PFKFB3: variants seen among roughly 807,000 people sequenced by gnomAD.
The protein encoded by PFKFB3 is 6-phosphofructo-2-kinase/fructose-2,6-biphosphatase 3, also known as 6-phosphofructo-2-kinase/fructose-2,6-bisphosphatase 3.
Under a neutral mutation model 68.0 loss-of-function variants are expected in PFKFB3, and 33 were observed. That is an observed-to-expected ratio of 0.49 (90% confidence interval 0.37 to 0.65). The LOEUF is 0.65. Among genes scored for constraint, PFKFB3 ranks in the 30% least tolerant of loss-of-function variants. The pLI, the probability that PFKFB3 is intolerant of heterozygous loss-of-function variation, is 0.00. For synonymous variants in PFKFB3, 315 were observed against 288.2 expected, an observed-to-expected ratio of 1.09 and a Z score of -0.94; for missense variants, 586 against 712.2, an observed-to-expected ratio of 0.82 and a Z score of 2.02.
chr10:6,207,422 C>T lies in PFKFB3; in HGVS notation c.76+4086C>T, dbSNP rs547114678. ...GCTTTGGCTCGGCATCAGAGGGAGA[C>T]CGTGGGGAGAGGGAGAGGGAGAGGG... On this transcript the variant is annotated intron_variant, in intron 1 of 14. Coordinates refer to ENST00000379775, the MANE Select transcript of PFKFB3 (RefSeq NM_004566.4). Among the ~76,000 whole-genome samples the T allele has an allele frequency of 7.9e-5, 12 of 152,170 alleles. No homozygotes were observed. In the East Asian group the frequency reaches 1.9e-3, roughly 25 times the overall value.
intron 1 of PFKFB3, among the ~76,000 whole-genome samples, chr10:6,207,013 G>C (rs71479766): frequency 1.5e-5 from 2 of 132,490 alleles, no homozygotes; most frequent in East Asian, 4.6e-4. Flanking sequence ...AGGCAGAGAC[G>C]CTCCTCACTT....
chr10:6,307,674 T>C, the PFKFB3 span, among the ~76,000 whole-genome samples: 1 of 151,848 alleles, frequency 6.6e-6, no homozygotes, highest in Non-Finnish European at 1.5e-5. Context: ...TTGTCCCGAT[T>C]GAGAATCTGA....
At chr10:6,247,516 A>T (rs548527769) in intron 14 of PFKFB3, among the ~76,000 whole-genome samples, 10 of 152,286 alleles carry the variant, frequency 6.6e-5, no homozygotes, top group African/African-American at 2.2e-4. Context: ...AATACATCCA[A>T]TCGGTTCAAG....
At chr10:6,196,726 C>T (rs1843185931) in intron 1 of PFKFB3, among the ~76,000 whole-genome samples, 1 of 152,072 alleles carries the variant, frequency 6.6e-6, no homozygotes, top group African/African-American at 2.4e-5. Context: ...CTGCCTCTCC[C>T]AGTCCACTCA....
chr10:6,178,292 T>TG (rs1371632679), intron 1 of PFKFB3, among the ~76,000 whole-genome samples: 3 of 152,096 alleles, frequency 2.0e-5, no homozygotes, highest in Non-Finnish European at 4.4e-5. Context: ...GACCACTGTG[T>TG]GGGGCGCCCC....
At chr10:6,303,798 TAAA>T in the PFKFB3 span, among the ~76,000 whole-genome samples, 2 of 120,758 alleles carry the variant, frequency 1.7e-5, no homozygotes, top group Non-Finnish European at 3.3e-5. Flanking sequence ...AGAGTCCATC[TAAA>T]AAAAAAAAAA....
chr10:6,208,371 C>CTTTTTTTTTTTTTTTT (rs35447462), intron 1 of PFKFB3, among the ~76,000 whole-genome samples: 1,590 of 60,566 alleles, frequency 0.026, 269 homozygotes, highest in African/African-American at 0.045. Flanking sequence ...GGTACCTGGC[C>CTTTTTTTTTTTTTTTT]TTTTTTTTTT....
chr10:6,175,803 G>A (rs532192179), intron 1 of PFKFB3, among the ~76,000 whole-genome samples: 35 of 152,344 alleles, frequency 2.3e-4, no homozygotes, highest in African/African-American at 7.9e-4. Context: ...TAAAGCCACG[G>A]TGAGATACTA....
intron 1 of PFKFB3, among the ~76,000 whole-genome samples, chr10:6,207,756 A>C (rs1318722114): frequency 6.6e-6 from 1 of 152,258 alleles, no homozygotes; most frequent in East Asian, 1.9e-4. Flanking sequence ...ATGATGGTAA[A>C]TGCTTCTTAC....
chr10:6,221,860 C>A (rs1349259067), intron 10 of PFKFB3, 115 bp downstream of exon 10: 1 of 676,328 alleles, frequency 1.5e-6, no homozygotes, highest in South Asian at 1.8e-5. Context: ...GGCTCCTACA[C>A]CCTCCACCTT....
In PFKFB3 at chr10:6,226,213, C is replaced by T; in HGVS notation, c.1363C>T (p.Pro455Ser). The T allele has an allele frequency of 6.2e-7, 1 of 1,609,130 alleles. No homozygotes were observed. The highest frequency in any genetic ancestry group is 8.5e-7 in the Non-Finnish European group (1 of 1,177,924). The change falls in exon 14 of 15, where the codon CCG becomes TCG. Residue 455 changes from proline to serine, a missense_variant. Coordinates refer to ENST00000379775, the MANE Select transcript of PFKFB3 (RefSeq NM_004566.4). ...RSEDAKKGPN[P>S]LMRRNSVTPL... ...TTAGGATGCAAAGAAGGGACCTAACCCGCTCATGAGACGCAATAGTGTCAC... is the reference window on the plus strand; with the variant it reads ...TTAGGATGCAAAGAAGGGACCTAACTCGCTCATGAGACGCAATAGTGTCAC...
the PFKFB3 span, among the ~76,000 whole-genome samples, chr10:6,279,585 G>A: frequency 2.0e-5 from 3 of 152,144 alleles, no homozygotes; most frequent in African/African-American, 7.2e-5. Flanking sequence ...CTGTGTGCCT[G>A]GGGTCACGTT....
intron 1 of PFKFB3, among the ~76,000 whole-genome samples, chr10:6,187,226 T>A (rs932180529): frequency 7.3e-6 from 1 of 137,630 alleles, no homozygotes; most frequent in Non-Finnish European, 1.6e-5. Flanking sequence ...CTGGACATGG[T>A]GGTGGGTGCC....
chr10:6,234,330 G>A lies in PFKFB3; in HGVS notation c.*1388G>A, dbSNP rs1181076772. On this transcript the variant is annotated 3_prime_UTR_variant, in exon 15 of 15. Transcript: ENST00000379775. ...CCAGCTCAAGGGACAGGTCCTGGGT[G>A]AGGGTGGGAGATTTAGACACCTGAA... The A allele has an allele frequency of 6.6e-6, 1 of 152,344 alleles. No homozygotes were observed. Among genetic ancestry groups the A allele is most frequent in the East Asian group, 1.9e-4 (1 of 5,310 alleles). 9.4% of individuals were successfully genotyped at this position (152,344 alleles called of 1,614,324 possible).
In PFKFB3 at chr10:6,213,683, G is replaced by C; in HGVS notation, c.137G>C (p.Arg46Pro). ...ATCGTCATGGTGGGCCTCCCCGCCCGGGGCAAGACCTACATCTCCAAGAAG... is the reference window on the plus strand; with the variant it reads ...ATCGTCATGGTGGGCCTCCCCGCCCCGGGCAAGACCTACATCTCCAAGAAG... ...TVIVMVGLPA[R>P]GKTYISKKLT... is the part of the protein sequence containing the mutation. The change falls in exon 2 of 15, where the codon CGG (arginine) becomes CCG (proline). Residue 46 changes from arginine (R) to proline (P), a missense_variant. Transcript: ENST00000379775. 1 of 1,613,534 alleles carries C rather than the reference G, an allele frequency of 6.2e-7. No individual in the cohort carries two copies. The highest frequency in any genetic ancestry group is 8.5e-7 in the Non-Finnish European group (1 of 1,179,788).
At chr10:6,290,456 A>T in the PFKFB3 span, among the ~76,000 whole-genome samples, 4 of 151,228 alleles carry the variant, frequency 2.6e-5, no homozygotes, top group Non-Finnish European at 5.9e-5. Context: ...GCATCTATTG[A>T]GATAATCTTC....
In PFKFB3 at chr10:6,221,483, C is replaced by T. The variant is rs140957456; in HGVS notation, c.934C>T (p.Arg312Trp). The change falls in exon 9 of 15, where the codon CGG becomes TGG. Residue 312 changes from arginine to tryptophan, a missense_variant. By Grantham distance (101) the Arg-to-Trp change is moderately radical. Coordinates refer to ENST00000379775, the MANE Select transcript of PFKFB3 (RefSeq NM_004566.4). ...CACCATCCAGACGGCCGAGGCGCTG[C>T]GGCTGCCCTACGAGCAGTGGAAGGC... ...KSTIQTAEAL[R>W]LPYEQWKALN... is the part of the protein sequence containing the mutation. 33 of 1,613,446 alleles carry T rather than the reference C, an allele frequency of 2.0e-5. 2 individuals carry two copies. In the Middle Eastern group the frequency reaches 1.6e-3, roughly 80 times the overall value.
chr10:6,148,418 C>T (rs1841466568), intron 1 of PFKFB3, among the ~76,000 whole-genome samples: 1 of 152,194 alleles, frequency 6.6e-6, no homozygotes, highest in East Asian at 1.9e-4. Context: ...GTGGTGGCTG[C>T]ATCTGGGCCA....
chr10:6,212,185 C>CGCCCA (rs1844274652), intron 1 of PFKFB3, among the ~76,000 whole-genome samples: 1 of 152,238 alleles, frequency 6.6e-6, no homozygotes, highest in Non-Finnish European at 1.5e-5. Flanking sequence ...TGGGCCGTGC[C>CGCCCA]GCCCAGGCGG....
Sources: allele counts gnomAD v4.1 joint callset (sites outside exome capture counted in the v4.1 genomes callset), GRCh38; gene constraint gnomAD v4.1.1; transcripts MANE v1.5; gene names NCBI Gene and HGNC (gene_info 2026-07-23, HGNC 2026-07-21).